The following DZIP3 variants were observed in gnomAD, a reference collection of about 807,000 sequenced individuals.
The protein encoded by DZIP3 is E3 ubiquitin-protein ligase DZIP3.
Under a neutral mutation model 162.0 loss-of-function variants are expected in DZIP3, and 118 were observed. The ratio of observed to expected loss-of-function variants is 0.73; its 90% CI spans 0.63 to 0.85. The LOEUF is 0.85. Ranked by LOEUF, DZIP3 falls within the 40% of genes least tolerant of loss-of-function variation. The probability of loss-of-function intolerance (pLI) is 0.00; values close to 1 mark genes in which losing one functional copy is unlikely to be tolerated. For missense variants in DZIP3, 1,331 were observed against 1,407.0 expected, an observed-to-expected ratio of 0.95 and a Z score of 0.86; for synonymous variants, 438 against 458.6, an observed-to-expected ratio of 0.96 and a Z score of 0.57.
chr3:108,691,516 C>T (rs994504124), intron 32 of DZIP3: 11 of 152,044 alleles, frequency 7.2e-5, no homozygotes, highest in African/African-American at 2.7e-4. Context: ...TGTTCAGATT[C>T]TTCTCTGTGT....
intron 28 of DZIP3, among the ~76,000 whole-genome samples, chr3:108,687,773 A>G (rs1255714812): frequency 6.6e-6 from 1 of 152,178 alleles, no homozygotes; most frequent in Non-Finnish European, 1.5e-5. Flanking sequence ...ATCATTAATG[A>G]ACACAATTAG....
intron 12 of DZIP3, among the ~76,000 whole-genome samples, chr3:108,639,424 A>C (rs1008640945): frequency 1.9e-4 from 29 of 152,244 alleles, no homozygotes; most frequent in African/African-American, 7.0e-4. Flanking sequence ...TGGTGGATCC[A>C]GTCTCAGTCC....
At chr3:108,627,667 C>CCATAT (rs1941646957) in intron 7 of DZIP3, among the ~76,000 whole-genome samples, 1 of 152,226 alleles carries the variant, frequency 6.6e-6, no homozygotes, top group Admixed American at 6.5e-5. Context: ...AAGAGTTTTT[C>CCATAT]CATATCAGTG....
In DZIP3 at chr3:108,612,770, A is replaced by G. The variant is rs948919124; in HGVS notation, c.258+1441A>G. ...CTTTTCAATTTTTTAAAATTATTGT[A>G]TTCTTTCTATTTATTTATTTATTTA... On this transcript the variant is annotated intron_variant, in intron 4 of 32. Coordinates refer to ENST00000361582, the MANE Select transcript of DZIP3 (RefSeq NM_014648.4). Among the ~76,000 whole-genome samples the G allele has an allele frequency of 6.6e-5, 10 of 152,006 alleles. 1 individual carries two copies. Among genetic ancestry groups the G allele is most frequent in the Admixed American group, 5.9e-4 (9 of 15,264 alleles).
chr3:108,649,293 G>A (rs1054783812), intron 17 of DZIP3, among the ~76,000 whole-genome samples: 1 of 151,692 alleles, frequency 6.6e-6, no homozygotes, highest in Non-Finnish European at 1.5e-5. Context: ...ACAGCTTTTT[G>A]TCATGTCTTT....
Position 108,635,069 on chromosome 3 carries a change from C to T in DZIP3, c.918+97C>T, listed in dbSNP as rs1374938860. ...TCGTTTCTTCCTGTTCATAACTTCCCTCCTGCTTTTTACTTCCTCCTTTTT... is the reference window on the plus strand; with the variant it reads ...TCGTTTCTTCCTGTTCATAACTTCCTTCCTGCTTTTTACTTCCTCCTTTTT... On this transcript the variant is annotated intron_variant, in intron 10 of 32. Transcript: ENST00000361582. 12 of 686,090 alleles carry T rather than the reference C, an allele frequency of 1.7e-5. No homozygotes were observed. The Middle Eastern group carries it at 7.6e-4, about 44-fold the overall frequency. The allele number at this position is 686,090 out of a possible 1,614,324, so 42.5% of individuals were successfully genotyped here.
At chr3:108,682,929 G>T (rs1944373379) in intron 26 of DZIP3, among the ~76,000 whole-genome samples, 1 of 150,710 alleles carries the variant, frequency 6.6e-6, no homozygotes, top group South Asian at 2.1e-4. Context: ...GGTAATAGTG[G>T]TTCTCAAACA....
At chr3:108,627,192 A>G (rs753823301) in intron 7 of DZIP3, among the ~76,000 whole-genome samples, 1 of 152,364 alleles carries the variant, frequency 6.6e-6, no homozygotes, top group Admixed American at 6.5e-5. Flanking sequence ...AGACAAGAAC[A>G]AAGAATATAT....
intron 5 of DZIP3, among the ~76,000 whole-genome samples, chr3:108,620,513 C>G (rs1036841181): frequency 6.6e-6 from 1 of 152,184 alleles, no homozygotes; most frequent in Non-Finnish European, 1.5e-5. Context: ...TTGTATAGTT[C>G]TGTGCCATTT....
intron 3 of DZIP3, among the ~76,000 whole-genome samples, chr3:108,610,400 A>G (rs954778227): frequency 6.6e-6 from 1 of 152,224 alleles, no homozygotes; most frequent in African/African-American, 2.4e-5. Flanking sequence ...AGTTGAGATT[A>G]GACAGATAGT....
intron 19 of DZIP3, among the ~76,000 whole-genome samples, chr3:108,657,591 A>G (rs1943193600): frequency 6.6e-6 from 1 of 152,220 alleles, no homozygotes. Context: ...CTAACGAGCA[A>G]AATAACCAGC....
At position 108,686,476 on chromosome 3, in the gene DZIP3, C is replaced by A; in HGVS notation, c.3041C>A (p.Pro1014His). Residue 1014 changes from proline (P) to histidine (H), a missense_variant, in exon 28 of 33, where the codon CCT becomes CAT. Pro to His is a moderately conservative substitution (Grantham distance 77, BLOSUM62 -2). Around this residue, in one of 2 missense-constraint regions of DZIP3, gnomAD observed 1,278 missense variants for 1,317.1 expected, o/e 0.97. Transcript: ENST00000361582. The stretch of plus-strand genomic sequence containing the variant: ...GGCATAGCCTGGGCTCTGCCAGCGC[C>A]TGTGGGAGACGCTGTGCCTCCCAGT... ...MTGIAWALPAPVGDAVPPSAG... is the reference protein window; with the variant it reads ...MTGIAWALPAHVGDAVPPSAG... 6.2e-7 allele frequency: 1 copy of A among 1,609,882 alleles called. No homozygotes were observed. The highest frequency in any genetic ancestry group is 8.5e-7 in the Non-Finnish European group (1 of 1,178,750).
rs576448279 is a variant in DZIP3, at chr3:108,609,135, A to G, written c.102+977A>G. Among the ~76,000 whole-genome samples, 6 of 152,284 alleles carry G rather than the reference A, an allele frequency of 3.9e-5. No homozygotes were observed. In the South Asian group the frequency reaches 1.0e-3, roughly 26 times the overall value. On this transcript the variant is annotated intron_variant, in intron 3 of 32. Coordinates refer to ENST00000361582, the MANE Select transcript of DZIP3 (RefSeq NM_014648.4). ...TATTAGAAACCACCCCCATGATCCA[A>G]TCACCTCCTACCAGGTCCCTCCTCT...
intron 4 of DZIP3, among the ~76,000 whole-genome samples, chr3:108,612,486 A>G (rs1410353102): frequency 1.3e-5 from 2 of 152,180 alleles, no homozygotes; most frequent in Non-Finnish European, 2.9e-5. Context: ...TGGCCTTCAG[A>G]TATGCAAAAA....
At chr3:108,619,902 TA>T (rs60881465) in intron 5 of DZIP3, among the ~76,000 whole-genome samples, 1,490 of 142,708 alleles carry the variant, frequency 0.01, 15 homozygotes, top group African/African-American at 0.032. Flanking sequence ...CAGAACATAT[TA>T]AAAAAAAAAA....
intron 9 of DZIP3, among the ~76,000 whole-genome samples, chr3:108,633,719 A>C (rs1358837221): frequency 8.3e-6 from 1 of 120,860 alleles, no homozygotes; most frequent in African/African-American, 3.2e-5. Flanking sequence ...CTTCTGATAG[A>C]TCTCTCTCTC....
chr3:108,663,470 C>A (rs939653917), intron 21 of DZIP3, among the ~76,000 whole-genome samples: 10 of 151,134 alleles, frequency 6.6e-5, no homozygotes, highest in Admixed American at 4.0e-4. Flanking sequence ...GCAGGAGAAT[C>A]GCTTGAACCC....
At chr3:108,680,584 G>A (rs901351106) in intron 26 of DZIP3, among the ~76,000 whole-genome samples, 1 of 152,040 alleles carries the variant, frequency 6.6e-6, no homozygotes, top group African/African-American at 2.4e-5. Flanking sequence ...AACCAAGGAG[G>A]AGAAAGATCA....
chr3:108,612,295 C>G (rs1209216577), intron 4 of DZIP3, among the ~76,000 whole-genome samples: 1 of 152,056 alleles, frequency 6.6e-6, no homozygotes, highest in African/African-American at 2.4e-5. Flanking sequence ...CACATTAATA[C>G]TATTATGATT....
Sources: gnomAD v4.1 joint callset for allele counts (sites outside exome capture counted in the v4.1 genomes callset) on GRCh38, gnomAD v4.1.1 for gene constraint, gnomAD v4.1.1 regional missense constraint, MANE v1.5 for transcripts, NCBI Gene and HGNC (gene_info 2026-07-23, HGNC 2026-07-21) for gene names.